The following PCDH15 variants were observed in gnomAD, a reference collection of about 807,000 sequenced individuals.
PCDH15 encodes the protein protocadherin related 15.
PCDH15 carries 129 observed loss-of-function variants against 178.5 expected under a neutral mutation model. That is an observed-to-expected ratio of 0.72 (90% confidence interval 0.63 to 0.84). The LOEUF (loss-of-function observed/expected upper bound fraction) is 0.84, where lower values mean the gene tolerates loss of function less well. PCDH15 is among the 40% of genes least tolerant of loss of function. The probability of loss-of-function intolerance (pLI) is 0.00; values close to 1 mark genes in which losing one functional copy is unlikely to be tolerated. For synonymous variants in PCDH15, 800 were observed against 732.0 expected (o/e 1.09, Z -1.50); for missense variants, 2,230 against 2,099.9 (o/e 1.06, Z -1.21).
At chr10:55,021,267 T>C (rs1840319962) in intron 2 of PCDH15, among the ~76,000 whole-genome samples, 2 of 152,320 alleles carry the variant, frequency 1.3e-5, no homozygotes, top group Non-Finnish European at 1.5e-5. Context: ...GTATTATTTT[T>C]CTCCAAAAGA....
chr10:55,219,880 T>TCACACA (rs71461286), intron 1 of PCDH15, among the ~76,000 whole-genome samples: 9,412 of 144,000 alleles, frequency 0.065, 337 homozygotes, highest in East Asian at 0.085. Flanking sequence ...CTGATATCAG[T>TCACACA]CACACACACA....
chr10:54,433,325 A>G (rs1957177041), intron 3 of PCDH15, among the ~76,000 whole-genome samples: 1 of 152,164 alleles, frequency 6.6e-6, no homozygotes, highest in Non-Finnish European at 1.5e-5. Flanking sequence ...GTGTCCATCA[A>G]TAGGTAACTA....
chr10:54,763,735 TAA>T (rs1459003304), intron 1 of PCDH15, among the ~76,000 whole-genome samples: 3 of 145,288 alleles, frequency 2.1e-5, no homozygotes, highest in Non-Finnish European at 3.0e-5. Flanking sequence ...TATGGATACA[TAA>T]GAGTTGTACT....
chr10:54,888,995 A>G (rs1954412126), intron 3 of PCDH15, among the ~76,000 whole-genome samples: 1 of 151,822 alleles, frequency 6.6e-6, no homozygotes, highest in Admixed American at 6.6e-5. Flanking sequence ...CATTTGACAC[A>G]CACAATGTGT....
At chr10:54,193,370 A>T (rs1471002412) in intron 11 of PCDH15, among the ~76,000 whole-genome samples, 1 of 152,202 alleles carries the variant, frequency 6.6e-6, no homozygotes, top group African/African-American at 2.4e-5. Context: ...TGTAAACTTA[A>T]AACTACCTAA....
chr10:54,516,339 A>C (rs991656127), intron 3 of PCDH15, among the ~76,000 whole-genome samples: 1 of 152,170 alleles, frequency 6.6e-6, no homozygotes, highest in Non-Finnish European at 1.5e-5. Flanking sequence ...GTATAACTAG[A>C]ATAACAAATG....
intron 2 of PCDH15, among the ~76,000 whole-genome samples, chr10:55,399,093 T>C (rs1295410885): frequency 2.6e-5 from 4 of 152,182 alleles, no homozygotes; most frequent in East Asian, 3.9e-4. Context: ...TTAATGTATA[T>C]GTACAAAATT....
chr10:55,014,421 T>A (rs1591836028), intron 2 of PCDH15, among the ~76,000 whole-genome samples: 1 of 152,174 alleles, frequency 6.6e-6, no homozygotes, highest in African/African-American at 2.4e-5. Flanking sequence ...AAAAATAAAT[T>A]ACATTGCAAA....
intron 2 of PCDH15, among the ~76,000 whole-genome samples, chr10:55,430,804 A>G (rs1280701745): frequency 1.3e-5 from 2 of 152,208 alleles, no homozygotes; most frequent in Non-Finnish European, 2.9e-5. Context: ...CTGCCAATAA[A>G]TCAAATGCTT....
intron 3 of PCDH15, among the ~76,000 whole-genome samples, chr10:54,411,031 CTGTA>C (rs1258166271): frequency 1.3e-5 from 2 of 152,076 alleles, no homozygotes; most frequent in African/African-American, 4.8e-5. Context: ...GTATGTGTCT[CTGTA>C]TGTGTGTTTG....
intron 11 of PCDH15, among the ~76,000 whole-genome samples, chr10:54,186,709 G>A (rs1196234457): frequency 6.6e-6 from 1 of 151,872 alleles, no homozygotes; most frequent in Non-Finnish European, 1.5e-5. Context: ...AAAAGTTCAA[G>A]AGGCTTCACA....
chr10:54,798,820 G>A (rs577831703), intron 1 of PCDH15, among the ~76,000 whole-genome samples: 1 of 151,948 alleles, frequency 6.6e-6, no homozygotes, highest in African/African-American at 2.4e-5. Context: ...GGGCTTCTGT[G>A]TTAGGAAGAA....
At chr10:54,152,086 G>A (rs1011203361) in intron 14 of PCDH15, among the ~76,000 whole-genome samples, 3 of 152,142 alleles carry the variant, frequency 2.0e-5, no homozygotes, top group African/African-American at 7.2e-5. Context: ...ATTGTGTGGG[G>A]ACCACAGAGT....
intron 16 of PCDH15, 54 bp from the exon 17 acceptor site, chr10:54,079,478 G>C: frequency 2.0e-6 from 3 of 1,500,314 alleles, no homozygotes; most frequent in South Asian, 2.3e-5. Flanking sequence ...ATGTCACAAG[G>C]AGAGTCTTCT....
At chr10:54,566,976 A>T (rs2089143058) in intron 2 of PCDH15, among the ~76,000 whole-genome samples, 1 of 152,136 alleles carries the variant, frequency 6.6e-6, no homozygotes, top group Non-Finnish European at 1.5e-5. Context: ...TTCTTGCTCC[A>T]CATGTTCAAC....
rs145797328 is a variant in PCDH15 at position 55,408,651 on chromosome 10, A to G, written c.-156+218974T>C. On this transcript the variant is annotated intron_variant, in intron 2 of 5. Transcript: ENST00000613346. ...TATGCCAGAAATTTAAAAATGGTATACAATATGTACATATGCTCTAAGAAT... is the reference window on the plus strand; with the variant it reads ...TATGCCAGAAATTTAAAAATGGTATGCAATATGTACATATGCTCTAAGAAT... Among the ~76,000 whole-genome samples, 100 of 152,272 alleles carry G rather than the reference A, an allele frequency of 6.6e-4. 1 individual carries two copies. The highest frequency in any genetic ancestry group is 2.4e-3 in the African/African-American group (100 of 41,570).
At chr10:54,706,036 A>C (rs1394319608) in intron 1 of PCDH15, among the ~76,000 whole-genome samples, 1 of 152,206 alleles carries the variant, frequency 6.6e-6, no homozygotes, top group Admixed American at 6.5e-5. Flanking sequence ...AGTGAGCCAG[A>C]TATTTTGAAT....
At chr10:55,187,888 T>C (rs1214068630) in intron 1 of PCDH15, among the ~76,000 whole-genome samples, 1 of 151,902 alleles carries the variant, frequency 6.6e-6, no homozygotes, top group Non-Finnish European at 1.5e-5. Flanking sequence ...AGTCACATAA[T>C]ATGTATTATA....
chr10:54,950,073 C>A (rs139793789), intron 2 of PCDH15, among the ~76,000 whole-genome samples: 22 of 152,066 alleles, frequency 1.4e-4, no homozygotes, highest in Middle Eastern at 6.8e-3. Flanking sequence ...TACAGCAGTG[C>A]ACTATTATCT....
Sources: allele counts gnomAD v4.1 joint callset (sites outside exome capture counted in the v4.1 genomes callset), GRCh38; gene constraint gnomAD v4.1.1; transcripts MANE v1.5; gene names NCBI Gene and HGNC (gene_info 2026-07-23, HGNC 2026-07-21).